The following AURKB variants were observed in gnomAD, a reference collection of about 807,000 sequenced individuals.
AURKB encodes aurora kinase B-Sv1.
AURKB carries 28 observed loss-of-function variants against 36.5 expected under a neutral mutation model. That is an observed-to-expected ratio of 0.77 (90% confidence interval 0.57 to 1.05). The LOEUF is 1.05. Among genes scored for constraint, AURKB ranks in the 50% least tolerant of loss-of-function variants. AURKB has a pLI of 0.00. For missense variants in AURKB, 383 were observed against 447.4 expected (o/e 0.86, Z 1.30); for synonymous variants, 175 against 172.9 (o/e 1.01, Z -0.09).
rs1985438321 is a variant in AURKB at position 8,207,214 on chromosome 17, A to T, written c.360T>A (p.His120Gln). The T allele has an allele frequency of 6.2e-7, 1 of 1,613,998 alleles. No homozygotes were observed. The highest frequency in any genetic ancestry group is 8.5e-7 in the Non-Finnish European group (1 of 1,180,014). ...KSQIEKEGVE[H>Q]QLRREIEIQA... ...GGATTTCGATCTCTCTGCGCAGCTG[A>T]TGCTCCACGCCCTCCTTCTCTATCT... The change falls in exon 5 of 9, where the codon CAT becomes CAA. Residue 120 changes from histidine to glutamine, a missense_variant. His to Gln is a conservative substitution (Grantham distance 24, BLOSUM62 0). Coordinates refer to ENST00000585124, the MANE Select transcript of AURKB (RefSeq NM_004217.4).
At chr17:8,207,011 G>A (rs1187086280) in intron 5 of AURKB, 123 bp from the exon 6 acceptor site, 80 of 1,498,882 alleles carry the variant, frequency 5.3e-5, no homozygotes, top group Non-Finnish European at 6.9e-5. Context: ...GTGGTAAGGG[G>A]AAACTGGAGG....
chr17:8,208,006 T>C (rs1985591568), intron 2 of AURKB, 166 bp from the exon 3 acceptor site: 3 of 593,182 alleles, frequency 5.1e-6, no homozygotes, highest in South Asian at 4.5e-5. Context: ...CCTCTGCTCA[T>C]AGTCCCATAT....
rs1362101464 is a variant in AURKB at position 8,207,783 on chromosome 17, G to A, written c.106C>T (p.Pro36Ser). The A allele has an allele frequency of 6.2e-7, 1 of 1,614,018 alleles. No individual in the cohort carries two copies. The highest frequency in any genetic ancestry group is 8.5e-7 in the Non-Finnish European group (1 of 1,180,034). ...CGGCTCATGAGGACAAGTGCAGATG[G>A]GGTGACAGGCTCTTTCCGGAGGACT... is the stretch of plus-strand genomic sequence containing the variant. Reference protein sequence around the residue: ...QRVLRKEPVTPSALVLMSRSN... With the variant: ...QRVLRKEPVTSSALVLMSRSN... Residue 36 changes from proline to serine, a missense_variant, in exon 3 of 9, where the codon CCA becomes TCA. Coordinates refer to ENST00000585124, the MANE Select transcript of AURKB (RefSeq NM_004217.4).
rs1341490132 is a variant in AURKB at position 8,206,750 on chromosome 17, C to A, written c.537G>T (p.Thr179=). The A allele has an allele frequency of 1.9e-6, 3 of 1,613,652 alleles. No individual in the cohort carries two copies. Among genetic ancestry groups the A allele is most frequent in the African/African-American group, 2.7e-5 (2 of 74,922 alleles). Residue 179 remains threonine (T), a splice_region_variant and synonymous_variant, in exon 6 of 9, where the codon ACG becomes ACT. Coordinates refer to ENST00000585124, the MANE Select transcript of AURKB (RefSeq NM_004217.4). This position sits in a 1 kb window ranked among gnomAD's most constrained non-coding sequence, Gnocchi z 4.2. The stretch of plus-strand genomic sequence containing the variant: ...GCCCCAGGTGCCCACCCGCCCGGAC[C>A]GTGGCTGTTCGCTGCTCGTCAAATG... The part of the protein sequence containing the change: ...SCTFDEQRTA[T]IMEELADALM...
chr17:8,206,374 G>T lies in AURKB; in HGVS notation c.686+117C>A. 4 of 1,286,448 alleles carry T rather than the reference G, an allele frequency of 3.1e-6. No homozygotes were observed. Among genetic ancestry groups the T allele is most frequent in the African/African-American group, 1.5e-5 (1 of 67,478 alleles). 79.7% of individuals were successfully genotyped at this position (1,286,448 alleles called of 1,614,324 possible). On this transcript the variant is annotated intron_variant, in intron 7 of 8. Transcript: ENST00000585124. The surrounding 1 kb of genome is among the most constrained non-coding windows in gnomAD (Gnocchi z 4.2). ...TCGAACTCCTGACCTCAGGTGATCC[G>T]CCCTCCTCGGCCTCCCAAAGTGCTG...
Position 8,206,199 on chromosome 17 carries a change from C to T in AURKB, c.686+292G>A, listed in dbSNP as rs763713272. ...AGGCTGGAGTGCAATGGCGTAATCT[C>T]GGCTCACTGCAACCTCCGCCTCCCA... On this transcript the variant is annotated intron_variant, in intron 7 of 8. Transcript: ENST00000585124. This position sits in a 1 kb window ranked among gnomAD's most constrained non-coding sequence, Gnocchi z 4.2. Among the ~76,000 whole-genome samples the T allele has an allele frequency of 3.4e-4, 50 of 145,872 alleles. 1 individual carries two copies. The highest frequency in any genetic ancestry group is 7.2e-4 in the Non-Finnish European group (48 of 66,316).
Position 8,205,393 on chromosome 17 carries a change from G to A in AURKB, c.687-3C>T. On this transcript the variant is annotated splice_polypyrimidine_tract_variant and splice_region_variant and intron_variant, in intron 7 of 8. Transcript: ENST00000585124. ...GGGTGCCACACATTGTCTTCCTCCT[G>A]GGAGGGATAAGGGGCGTGGGCAGGG... 6.2e-7 allele frequency: 1 copy of A among 1,613,854 alleles called. No individual in the cohort carries two copies. Among genetic ancestry groups the A allele is most frequent in the Non-Finnish European group, 8.5e-7 (1 of 1,179,860 alleles).
chr17:8,205,142 A>C, intron 8 of AURKB, 74 bp downstream of exon 8: 2 of 1,551,074 alleles, frequency 1.3e-6, no homozygotes, highest in Non-Finnish European at 1.7e-6. Context: ...GGCCATGCAA[A>C]TACACTCTGC....
At position 8,206,854 on chromosome 17, in the gene AURKB, A is replaced by T; in HGVS notation, c.433T>A (p.Tyr145Asn). 2.5e-6 allele frequency: 4 copies of T among 1,614,222 alleles called. No individual in the cohort carries two copies. Among genetic ancestry groups the T allele is most frequent in the Non-Finnish European group, 3.4e-6 (4 of 1,180,032 alleles). ...PNILRLYNYFYDRRRIYLILE... is the reference protein window; with the variant it reads ...PNILRLYNYFNDRRRIYLILE... ...ATCAAGTAGATCCTCCTCCGGTCAT[A>T]AAAATAGTTGTAGAGACGCAGGATG... The change falls in exon 6 of 9, where the codon TAT becomes AAT. Residue 145 changes from tyrosine (Y) to asparagine (N), a missense_variant. Physicochemically the swap from Tyr to Asn is moderately radical, Grantham distance 143. This residue lies in a region of AURKB where 59 missense variants were observed against 99.0 expected (regional missense o/e 0.60). Transcript: ENST00000585124. The surrounding 1 kb of genome is among the most constrained non-coding windows in gnomAD (Gnocchi z 4.2).
chr17:8,206,479 A>G lies in AURKB; in HGVS notation c.686+12T>C. The G allele has an allele frequency of 1.9e-6, 3 of 1,614,000 alleles. No individual in the cohort carries two copies. The highest frequency in any genetic ancestry group is 2.5e-6 in the Non-Finnish European group (3 of 1,179,972). ...GCCTCACACCCAGGTCTGGCCTCCC[A>G]GGCCACCATACCTCAGGGAGGGCGC... is the stretch of plus-strand genomic sequence containing the variant. On this transcript the variant is annotated intron_variant, in intron 7 of 8. Transcript: ENST00000585124. The surrounding 1 kb of genome is among the most constrained non-coding windows in gnomAD (Gnocchi z 4.2).
Position 8,206,462 on chromosome 17 carries a change from C to G in AURKB, c.686+29G>C. 1 of 1,613,376 alleles carries G rather than the reference C, an allele frequency of 6.2e-7. No homozygotes were observed. The highest frequency in any genetic ancestry group is 8.5e-7 in the Non-Finnish European group (1 of 1,179,728). On this transcript the variant is annotated intron_variant, in intron 7 of 8. Coordinates refer to ENST00000585124, the MANE Select transcript of AURKB (RefSeq NM_004217.4). The surrounding 1 kb of genome is among the most constrained non-coding windows in gnomAD (Gnocchi z 4.2). Reference sequence around the variant, plus strand: ...GAGGTTTTAATGGCCCAGCCTCACACCCAGGTCTGGCCTCCCAGGCCACCA... The same window carrying G: ...GAGGTTTTAATGGCCCAGCCTCACAGCCAGGTCTGGCCTCCCAGGCCACCA...
chr17:8,204,744 A>T lies in AURKB; in HGVS notation c.*127T>A. 1.5e-6 allele frequency: 2 copies of T among 1,315,244 alleles called. No homozygotes were observed. Among genetic ancestry groups the T allele is most frequent in the Non-Finnish European group, 2.1e-6 (2 of 946,656 alleles). The allele number at this position is 1,315,244 out of a possible 1,614,324, so 81.5% of individuals were successfully genotyped here. ...AAACATCTACACTCATGAGTACAAA[A>T]AGCTTCAGCCTTTATTAAACAAAGG... is the stretch of plus-strand genomic sequence containing the variant. On this transcript the variant is annotated 3_prime_UTR_variant, in exon 9 of 9. Transcript: ENST00000585124.
chr17:8,210,283 G>C (rs1052004112), intron 1 of AURKB, 34 bp from the exon 2 acceptor site: 8 of 1,436,000 alleles, frequency 5.6e-6, no homozygotes, highest in African/African-American at 2.8e-5. Context: ...GTGAGAAGCA[G>C]AGAAAAAGAG....
Position 8,207,088 on chromosome 17 carries a change from A to C in AURKB, c.398+88T>G. On this transcript the variant is annotated intron_variant, in intron 5 of 8. Transcript: ENST00000585124. ...TGGGGCTCACTAGCCATAGCTACAG[A>C]GAAAGCAATCTGGATGAAGTGGGGC... 2.0e-6 allele frequency: 3 copies of C among 1,506,474 alleles called. No homozygotes were observed. In the South Asian group the frequency reaches 3.8e-5, roughly 19 times the overall value. 93.3% of individuals were successfully genotyped at this position (1,506,474 alleles called of 1,614,324 possible).
At chr17:8,209,966 A>G in intron 2 of AURKB, 1 of 634,850 alleles carries the variant, frequency 1.6e-6, no homozygotes. Flanking sequence ...GCTGGGAGTC[A>G]CTGGCTGGTC....
At chr17:8,208,593 A>AATAT (rs1985694423) in intron 2 of AURKB, among the ~76,000 whole-genome samples, 1 of 141,284 alleles carries the variant, frequency 7.1e-6, no homozygotes, top group Non-Finnish European at 1.5e-5. Flanking sequence ...TCCGTCTCAA[A>AATAT]AAATAAATAA....
intron 7 of AURKB, among the ~76,000 whole-genome samples, chr17:8,205,720 A>G (rs142214724): frequency 4.6e-5 from 7 of 152,342 alleles, no homozygotes; most frequent in Non-Finnish European, 1.0e-4. Flanking sequence ...ACTATGTGAT[A>G]CTATGAAACC....
rs1190691269 is a variant in AURKB, at chr17:8,206,749, C to A, written c.537+1G>T. 1.2e-6 allele frequency: 2 copies of A among 1,613,724 alleles called. No individual in the cohort carries two copies. The highest frequency in any genetic ancestry group is 1.3e-5 in the African/African-American group (1 of 74,928). On this transcript the variant is annotated splice_donor_variant, in intron 6 of 8. Coordinates refer to ENST00000585124, the MANE Select transcript of AURKB (RefSeq NM_004217.4). LOFTEE classifies it high-confidence loss of function. This position sits in a 1 kb window ranked among gnomAD's most constrained non-coding sequence, Gnocchi z 4.2. ...CGCCCCAGGTGCCCACCCGCCCGGA[C>A]CGTGGCTGTTCGCTGCTCGTCAAAT... is the stretch of plus-strand genomic sequence containing the variant.
intron 2 of AURKB, 194 bp from the exon 3 acceptor site, chr17:8,208,034 A>G (rs1431197358): frequency 5.6e-6 from 3 of 537,588 alleles, no homozygotes; most frequent in Non-Finnish European, 9.9e-6. Flanking sequence ...GGTTATTAAT[A>G]AACAACCTAG....
Sources: gnomAD v4.1 joint callset for allele counts (sites outside exome capture counted in the v4.1 genomes callset) on GRCh38, gnomAD v4.1.1 for gene constraint, gnomAD v4.1.1 regional missense constraint, Gnocchi (gnomAD v3.1) non-coding constraint, MANE v1.5 for transcripts, NCBI Gene and HGNC (gene_info 2026-07-23, HGNC 2026-07-21) for gene names.